Variants in BMPR1B observed in about 807,000 individuals in gnomAD.
The protein encoded by BMPR1B is bone morphogenetic protein receptor type 1B.
BMPR1B carries 12 observed loss-of-function variants against 59.1 expected under a neutral mutation model. The ratio of observed to expected loss-of-function variants is 0.20; its 90% confidence interval spans 0.13 to 0.33. BMPR1B has a LOEUF of 0.33. Ranked by LOEUF, BMPR1B falls within the 10% of genes least tolerant of loss-of-function variation. The pLI is 1.00. For missense variants in BMPR1B, 550 were observed against 610.9 expected (o/e 0.90, Z 1.05); for synonymous variants, 237 against 207.3 (o/e 1.14, Z -1.23).
chr4:94,945,587 A>G (rs536440361), intron 2 of BMPR1B, among the ~76,000 whole-genome samples: 301 of 152,240 alleles, frequency 2.0e-3, no homozygotes, highest in African/African-American at 6.8e-3. Context: ...AGTACATGCC[A>G]TCATGCTCAG....
At chr4:94,778,571 A>G (rs945276886) in intron 1 of BMPR1B, among the ~76,000 whole-genome samples, 1 of 152,158 alleles carries the variant, frequency 6.6e-6, no homozygotes, top group African/African-American at 2.4e-5. Flanking sequence ...CAGTAACAAG[A>G]TGCTCTTTTT....
intron 2 of BMPR1B, among the ~76,000 whole-genome samples, chr4:94,915,467 G>A (rs1728447145): frequency 6.6e-6 from 1 of 152,126 alleles, no homozygotes; most frequent in South Asian, 2.1e-4. Flanking sequence ...GACTTTTCTA[G>A]TTTGGGCCAA....
intron 3 of BMPR1B, among the ~76,000 whole-genome samples, chr4:95,067,863 A>G (rs930855621): frequency 9.9e-5 from 15 of 152,178 alleles, no homozygotes; most frequent in African/African-American, 3.6e-4. Flanking sequence ...AACAAATACA[A>G]AGAATACTTT....
intron 10 of BMPR1B, among the ~76,000 whole-genome samples, chr4:95,141,627 T>G: frequency 6.6e-6 from 1 of 152,194 alleles, no homozygotes; most frequent in East Asian, 1.9e-4. Context: ...CACCATTACC[T>G]TCAATCTCTA....
At chr4:95,037,485 T>C (rs1725344708) in intron 3 of BMPR1B, among the ~76,000 whole-genome samples, 1 of 152,210 alleles carries the variant, frequency 6.6e-6, no homozygotes, top group South Asian at 2.1e-4. Context: ...CATGGATAGA[T>C]AGTCCCTCAT....
At chr4:94,901,214 A>G (rs570295919) in intron 2 of BMPR1B, among the ~76,000 whole-genome samples, 70 of 152,028 alleles carry the variant, frequency 4.6e-4, no homozygotes, top group Non-Finnish European at 9.0e-4. Context: ...TGACATCAAT[A>G]TAGTGGGTTT....
In BMPR1B at chr4:95,066,092, G is replaced by C. The variant is rs550876885; in HGVS notation, c.-17-38316G>C. The stretch of plus-strand genomic sequence containing the variant: ...TAGCCTTGTGAGTAGCTGTTAATTT[G>C]CCTATGAACCTTTATCATGGTCTCT... On this transcript the variant is annotated intron_variant, in intron 3 of 12. Transcript: ENST00000515059. Among the ~76,000 whole-genome samples the C allele has an allele frequency of 3.3e-5, 5 of 152,248 alleles. No individual in the cohort carries two copies. In the South Asian group the frequency reaches 1.0e-3, roughly 32 times the overall value.
intron 6 of BMPR1B, among the ~76,000 whole-genome samples, chr4:95,117,732 G>A (rs1732176107): frequency 6.6e-6 from 1 of 152,042 alleles, no homozygotes; most frequent in African/African-American, 2.4e-5. Context: ...ATTACATTGC[G>A]CTACAGTCCT....
chr4:95,108,607 G>A (rs1731368525), intron 4 of BMPR1B, among the ~76,000 whole-genome samples: 1 of 152,038 alleles, frequency 6.6e-6, no homozygotes, highest in South Asian at 2.1e-4. Context: ...CAAGGCCAGA[G>A]TCATTCTTGG....
intron 6 of BMPR1B, among the ~76,000 whole-genome samples, chr4:95,123,506 G>T (rs1452844647): frequency 1.3e-5 from 2 of 152,082 alleles, no homozygotes; most frequent in African/African-American, 4.8e-5. Flanking sequence ...TCTATTGTGG[G>T]TGCACAGACC....
chr4:94,820,403 A>G (rs1335536444), intron 1 of BMPR1B, among the ~76,000 whole-genome samples: 1 of 152,222 alleles, frequency 6.6e-6, no homozygotes, highest in Non-Finnish European at 1.5e-5. Flanking sequence ...AGTTGAAGTA[A>G]CCGGATTGCT....
chr4:95,099,598 GCGCGCA>G (rs1560652408), intron 3 of BMPR1B, among the ~76,000 whole-genome samples: 265 of 151,994 alleles, frequency 1.7e-3, no homozygotes, highest in African/African-American at 6.2e-3. Context: ...TCTGTTTCAC[GCGCGCA>G]CACGCACACA....
chr4:95,134,380 A>G (rs10440375), intron 10 of BMPR1B, among the ~76,000 whole-genome samples: 2,634 of 152,264 alleles, frequency 0.017, 77 homozygotes, highest in African/African-American at 0.06. Flanking sequence ...TTGGGTATAT[A>G]CTCAGTAATG....
At chr4:94,968,922 G>T (rs993580329) in intron 2 of BMPR1B, among the ~76,000 whole-genome samples, 1 of 152,048 alleles carries the variant, frequency 6.6e-6, no homozygotes, top group Non-Finnish European at 1.5e-5. Flanking sequence ...TGTTTCTGCT[G>T]CCAGATTTCC....
At chr4:95,123,724 A>G in intron 6 of BMPR1B, 86 bp from the exon 7 acceptor site, 3 of 1,065,530 alleles carry the variant, frequency 2.8e-6, no homozygotes, top group Non-Finnish European at 2.8e-6. Context: ...CGTGATACTT[A>G]GCAAGTACCT....
chr4:94,914,765 G>A (rs548352540), intron 2 of BMPR1B, among the ~76,000 whole-genome samples: 23 of 152,186 alleles, frequency 1.5e-4, no homozygotes, highest in African/African-American at 5.3e-4. Context: ...ATGGGTGACC[G>A]ACATACAGGT....
chr4:94,934,245 C>T (rs3775029), intron 2 of BMPR1B, among the ~76,000 whole-genome samples: 87,192 of 151,954 alleles, frequency 0.57, 26,432 homozygotes, highest in African/African-American at 0.78. Flanking sequence ...TCATAGCAAA[C>T]TATCATCTTT....
chr4:95,019,549 T>C (rs1160866916), intron 3 of BMPR1B, among the ~76,000 whole-genome samples: 1 of 152,196 alleles, frequency 6.6e-6, no homozygotes, highest in Non-Finnish European at 1.5e-5. Flanking sequence ...ATCAGTTCAC[T>C]GTATTAGTAG....
At chr4:94,914,621 T>G (rs2149016230) in intron 2 of BMPR1B, among the ~76,000 whole-genome samples, 1 of 152,212 alleles carries the variant, frequency 6.6e-6, no homozygotes, top group South Asian at 2.1e-4. Context: ...AGTCAAAGAA[T>G]GGTTTTAGTG....
Sources: gnomAD v4.1 joint callset for allele counts (sites outside exome capture counted in the v4.1 genomes callset) on GRCh38, gnomAD v4.1.1 for gene constraint, MANE v1.5 for transcripts, NCBI Gene and HGNC (gene_info 2026-07-23, HGNC 2026-07-21) for gene names.